The following ATP8A1 variants were observed in gnomAD, a reference collection of about 807,000 sequenced individuals.
ATP8A1 encodes phospholipid-transporting ATPase IA.
Under a neutral mutation model 177.7 loss-of-function variants are expected in ATP8A1, and 90 were observed. The observed-to-expected ratio is 0.51, with a 90% CI of 0.43 to 0.60. The LOEUF is 0.60. Among genes scored for constraint, ATP8A1 ranks in the 20% least tolerant of loss-of-function variants. The pLI is 0.00. For synonymous variants in ATP8A1, 493 were observed against 485.9 expected, an observed-to-expected ratio of 1.01 and a Z score of -0.19; for missense variants, 1,072 against 1,392.8, an observed-to-expected ratio of 0.77 and a Z score of 3.67.
Position 42,588,273 on chromosome 4 carries a change from A to C in ATP8A1, c.581T>G (p.Leu194Trp). The stretch of plus-strand genomic sequence containing the variant: ...ATCAGATCTTACCTGTCTAATTTTC[A>C]AGTTTGTTTCACCATCTAAGTTGGA... ...ETSNLDGETN[L>W]KIRQGLPATS... Residue 194 changes from leucine (L) to tryptophan (W), a missense_variant, in exon 8 of 37, where the codon TTG becomes TGG. By Grantham distance (61) the Leu-to-Trp change is moderately conservative (BLOSUM62 -2). This residue lies in a region of ATP8A1 where 344 missense variants were observed against 393.5 expected (regional missense o/e 0.87). Transcript: ENST00000381668. 6.2e-7 allele frequency: 1 copy of C among 1,613,210 alleles called. No individual in the cohort carries two copies. The highest frequency in any genetic ancestry group is 8.5e-7 in the Non-Finnish European group (1 of 1,179,304).
rs1292299122 is a variant in ATP8A1, at chr4:42,411,797, T to C, written c.*1119A>G. 1 of 152,202 alleles carries C rather than the reference T, an allele frequency of 6.6e-6. No homozygotes were observed. The highest frequency in any genetic ancestry group is 1.5e-5 in the Non-Finnish European group (1 of 68,032). 9.4% of individuals were successfully genotyped at this position (152,202 alleles called of 1,614,324 possible). ...GCATGTGACGAATTTTGGGAACTAT[T>C]TGATGAGTGAACTGTGAAATAATTT... On this transcript the variant is annotated 3_prime_UTR_variant, in exon 37 of 37. Coordinates refer to ENST00000381668, the MANE Select transcript of ATP8A1 (RefSeq NM_006095.2).
At chr4:42,520,965 G>C (rs542173654) in intron 22 of ATP8A1, among the ~76,000 whole-genome samples, 18 of 152,202 alleles carry the variant, frequency 1.2e-4, no homozygotes, top group African/African-American at 4.1e-4. Context: ...TCTGCAGCTA[G>C]AACATGGCAT....
intron 15 of ATP8A1, among the ~76,000 whole-genome samples, chr4:42,565,293 A>C (rs1731243053): frequency 6.6e-6 from 1 of 152,250 alleles, no homozygotes; most frequent in Non-Finnish European, 1.5e-5. Context: ...CTATCTGCCA[A>C]GGTGACTGCT....
At chr4:42,422,686 C>T in intron 35 of ATP8A1, 121 bp downstream of exon 35, 1 of 739,042 alleles carries the variant, frequency 1.4e-6, no homozygotes, top group Non-Finnish European at 2.2e-6. Context: ...ACTCCCAAAC[C>T]TGCCAATGAC....
intron 5 of ATP8A1, among the ~76,000 whole-genome samples, chr4:42,605,763 C>T (rs544047086): frequency 6.6e-6 from 1 of 152,354 alleles, no homozygotes; most frequent in Admixed American, 6.5e-5. Flanking sequence ...GTGCATTCTC[C>T]TCTCCACCCA....
chr4:42,626,805 C>T (rs1055814323), intron 2 of ATP8A1, 190 bp downstream of exon 2: 14 of 600,850 alleles, frequency 2.3e-5, no homozygotes, highest in African/African-American at 1.9e-4. Context: ...TTCTGCTCCT[C>T]GCTATTTCCA....
At position 42,656,340 on chromosome 4, in the gene ATP8A1, G is replaced by A. The variant is rs1033527978; in HGVS notation, c.49+485C>T. On this transcript the variant is annotated intron_variant, in intron 1 of 36. Transcript: ENST00000381668. ...AAGCTGTAATGCAGGGAACCCACTCGGCACCCGACCCCGATGAAGGCTCCC... is the reference window on the plus strand; with the variant it reads ...AAGCTGTAATGCAGGGAACCCACTCAGCACCCGACCCCGATGAAGGCTCCC... Among the ~76,000 whole-genome samples, 34 of 152,206 alleles carry A rather than the reference G, an allele frequency of 2.2e-4. 1 individual carries two copies. The highest frequency in any genetic ancestry group is 2.2e-3 in the Admixed American group (33 of 15,282).
intron 25 of ATP8A1, among the ~76,000 whole-genome samples, chr4:42,483,715 C>T (rs561168716): frequency 6.6e-6 from 1 of 152,244 alleles, no homozygotes; most frequent in South Asian, 2.1e-4. Flanking sequence ...TGTGGTTCGA[C>T]TTTTTGAAGA....
intron 21 of ATP8A1, among the ~76,000 whole-genome samples, chr4:42,522,615 A>C (rs1450326361): frequency 6.6e-6 from 1 of 152,186 alleles, no homozygotes; most frequent in Non-Finnish European, 1.5e-5. Context: ...CCAGGACAAA[A>C]TTTAAGCCCC....
intron 22 of ATP8A1, among the ~76,000 whole-genome samples, chr4:42,515,227 C>T (rs1317192399): frequency 6.6e-6 from 1 of 152,142 alleles, no homozygotes; most frequent in African/African-American, 2.4e-5. Context: ...CAGGAAACTA[C>T]TGGAATTTTA....
intron 4 of ATP8A1, among the ~76,000 whole-genome samples, chr4:42,622,587 A>C (rs1737589320): frequency 6.6e-6 from 1 of 152,190 alleles, no homozygotes; most frequent in South Asian, 2.1e-4. Flanking sequence ...AAAAGAAAAA[A>C]AAACAACAGA....
At chr4:42,467,081 G>T (rs1719853806) in intron 25 of ATP8A1, among the ~76,000 whole-genome samples, 1 of 152,204 alleles carries the variant, frequency 6.6e-6, no homozygotes, top group South Asian at 2.1e-4. Context: ...TAATAAAGGA[G>T]AAATCTCTGC....
chr4:42,413,286 G>C (rs186680079), intron 36 of ATP8A1, among the ~76,000 whole-genome samples: 15 of 152,210 alleles, frequency 9.9e-5, no homozygotes, highest in African/African-American at 3.4e-4. Context: ...CCTCTGTCCC[G>C]TAAGTCAACT....
chr4:42,525,063 T>A (rs1295793782), intron 20 of ATP8A1, among the ~76,000 whole-genome samples: 1 of 152,212 alleles, frequency 6.6e-6, no homozygotes, highest in Non-Finnish European at 1.5e-5. Flanking sequence ...TCTTTCTGAA[T>A]AAAACTGTAG....
intron 27 of ATP8A1, among the ~76,000 whole-genome samples, chr4:42,456,787 C>T (rs565945175): frequency 2.0e-5 from 3 of 152,228 alleles, no homozygotes; most frequent in South Asian, 2.1e-4. Flanking sequence ...TCTTGACATG[C>T]GGCTCAACTG....
At chr4:42,625,363 C>A (rs1737949349) in intron 3 of ATP8A1, 2 of 298,412 alleles carry the variant, frequency 6.7e-6, no homozygotes, top group Non-Finnish European at 6.2e-6. Context: ...GAAAACGTCC[C>A]ATCCCCTTTA....
At chr4:42,453,647 G>A (rs1718171485) in intron 29 of ATP8A1, among the ~76,000 whole-genome samples, 1 of 152,222 alleles carries the variant, frequency 6.6e-6, no homozygotes, top group Admixed American at 6.5e-5. Flanking sequence ...TTGCAGGAAT[G>A]ATTTGGGGTA....
chr4:42,604,239 C>A (rs1735574676), intron 5 of ATP8A1, among the ~76,000 whole-genome samples: 1 of 152,190 alleles, frequency 6.6e-6, no homozygotes, highest in African/African-American at 2.4e-5. Context: ...CCTCCTCACC[C>A]CCAAATCTAA....
At chr4:42,573,093 C>A (rs79814355) in intron 14 of ATP8A1, among the ~76,000 whole-genome samples, 3,660 of 152,220 alleles carry the variant, frequency 0.024, 137 homozygotes, top group African/African-American at 0.082. Flanking sequence ...TAAGAAAAAA[C>A]CTGATAAAAT....
Sources: gnomAD v4.1 joint callset for allele counts (sites outside exome capture counted in the v4.1 genomes callset) on GRCh38, gnomAD v4.1.1 for gene constraint, gnomAD v4.1.1 regional missense constraint, MANE v1.5 for transcripts, NCBI Gene and HGNC (gene_info 2026-07-23, HGNC 2026-07-21) for gene names.